DNAJC15: variants seen among roughly 807,000 people sequenced by gnomAD.
The protein encoded by DNAJC15 is dnaJ homolog subfamily C member 15.
Under a neutral mutation model 22.4 loss-of-function variants are expected in DNAJC15, and 27 were observed. That is an observed-to-expected ratio of 1.20 (90% CI 0.89 to 1.66). The LOEUF (loss-of-function observed/expected upper bound fraction) is 1.66. DNAJC15 is among the 40% of genes most tolerant of loss of function. DNAJC15 has a pLI of 0.00. For synonymous variants in DNAJC15, 79 were observed against 63.2 expected (o/e 1.25, Z -1.19); for missense variants, 208 against 187.1 (o/e 1.11, Z -0.65).
At chr13:43,042,358 G>GT (rs1477056701) in intron 1 of DNAJC15, among the ~76,000 whole-genome samples, 3 of 152,266 alleles carry the variant, frequency 2.0e-5, no homozygotes, top group South Asian at 2.1e-4. Flanking sequence ...AAGCAAAACT[G>GT]TAAGAGAGGA....
chr13:43,108,260 G>C lies in DNAJC15; in HGVS notation c.*1012G>C, dbSNP rs1054118810. On this transcript the variant is annotated 3_prime_UTR_variant, in exon 6 of 6. Transcript: ENST00000379221. ...TGAGGTAAGTGTTATTCTGAGATGAGAATTAGCAGAAATAGATATATCAAT... is the reference window on the plus strand; with the variant it reads ...TGAGGTAAGTGTTATTCTGAGATGACAATTAGCAGAAATAGATATATCAAT... 1 of 152,194 alleles carries C rather than the reference G, an allele frequency of 6.6e-6. No individual in the cohort carries two copies. The highest frequency in any genetic ancestry group is 2.4e-5 in the African/African-American group (1 of 41,454). 9.4% of individuals were successfully genotyped at this position (152,194 alleles called of 1,614,324 possible).
intron 1 of DNAJC15, among the ~76,000 whole-genome samples, chr13:43,035,752 GCT>G (rs2040425997): frequency 6.6e-6 from 1 of 151,892 alleles, no homozygotes; most frequent in Non-Finnish European, 1.5e-5. Context: ...ACAGGATCTT[GCT>G]CTGTCTCCCA....
chr13:43,062,338 T>C (rs566801980), intron 1 of DNAJC15, among the ~76,000 whole-genome samples: 5 of 152,174 alleles, frequency 3.3e-5, no homozygotes, highest in Non-Finnish European at 7.3e-5. Flanking sequence ...TCTCTTTCCT[T>C]CCACTCTTTC....
intron 2 of DNAJC15, 60 bp downstream of exon 2, chr13:43,065,797 A>C: frequency 6.7e-7 from 1 of 1,486,762 alleles, no homozygotes; most frequent in Admixed American, 1.7e-5. Context: ...TAGCATCTAC[A>C]GTGATTCATG....
At chr13:43,028,569 C>T (rs2040390802) in intron 1 of DNAJC15, among the ~76,000 whole-genome samples, 1 of 152,198 alleles carries the variant, frequency 6.6e-6, no homozygotes, top group Non-Finnish European at 1.5e-5. Flanking sequence ...TTAACATGAT[C>T]TAAACCTTTC....
At position 43,109,377 on chromosome 13, in the gene DNAJC15, C is replaced by T. The variant is rs1483356094; in HGVS notation, c.*2129C>T. 6.6e-6 allele frequency: 1 copy of T among 152,126 alleles called. No homozygotes were observed. The highest frequency in any genetic ancestry group is 1.5e-5 in the Non-Finnish European group (1 of 68,024). 9.4% of individuals were successfully genotyped at this position (152,126 alleles called of 1,614,324 possible). On this transcript the variant is annotated 3_prime_UTR_variant, in exon 6 of 6. Coordinates refer to ENST00000379221, the MANE Select transcript of DNAJC15 (RefSeq NM_013238.3). ...AGCAGGCATCATAAAGTTTTACGTACCAAGAAAATGTTGCTGTTTTCTGAA... is the reference window on the plus strand; with the variant it reads ...AGCAGGCATCATAAAGTTTTACGTATCAAGAAAATGTTGCTGTTTTCTGAA...
At chr13:43,054,893 A>C (rs2040521956) in intron 1 of DNAJC15, among the ~76,000 whole-genome samples, 1 of 152,160 alleles carries the variant, frequency 6.6e-6, no homozygotes, top group Non-Finnish European at 1.5e-5. Flanking sequence ...TCTCTAACTA[A>C]ACAAGCAGCC....
At chr13:43,088,340 A>C (rs551894725) in intron 5 of DNAJC15, among the ~76,000 whole-genome samples, 1 of 152,208 alleles carries the variant, frequency 6.6e-6, no homozygotes, top group East Asian at 1.9e-4. Context: ...GATCTAATCA[A>C]TGCTGCCTCC....
At chr13:43,105,929 A>T (rs1339551170) in intron 5 of DNAJC15, among the ~76,000 whole-genome samples, 1 of 152,204 alleles carries the variant, frequency 6.6e-6, no homozygotes, top group Non-Finnish European at 1.5e-5. Context: ...TCAGGGACAT[A>T]CTATGATATA....
At chr13:43,038,515 A>G (rs749202611) in intron 1 of DNAJC15, among the ~76,000 whole-genome samples, 1 of 152,212 alleles carries the variant, frequency 6.6e-6, no homozygotes, top group Non-Finnish European at 1.5e-5. Flanking sequence ...TGGGGAGGCC[A>G]GGTGCGGTGG....
At chr13:43,081,053 T>A (rs1014756759) in intron 4 of DNAJC15, among the ~76,000 whole-genome samples, 1 of 152,246 alleles carries the variant, frequency 6.6e-6, no homozygotes, top group African/African-American at 2.4e-5. Flanking sequence ...GTGTTCTAGA[T>A]GATACTATAC....
chr13:43,073,630 C>CT (rs979256526), intron 3 of DNAJC15, among the ~76,000 whole-genome samples: 7 of 152,036 alleles, frequency 4.6e-5, no homozygotes, highest in African/African-American at 1.7e-4. Context: ...AAAAGGGTTT[C>CT]TTTTTTTCTC....
At chr13:43,036,921 C>T (rs2153439647) in intron 1 of DNAJC15, among the ~76,000 whole-genome samples, 1 of 152,348 alleles carries the variant, frequency 6.6e-6, no homozygotes, top group Admixed American at 6.5e-5. Context: ...TCGGGAGAGG[C>T]CAGGCAGTGG....
At chr13:43,047,054 C>T (rs1292039985) in intron 1 of DNAJC15, among the ~76,000 whole-genome samples, 2 of 152,122 alleles carry the variant, frequency 1.3e-5, no homozygotes, top group African/African-American at 4.8e-5. Context: ...TCTGTGAGGC[C>T]AAGAACCCCA....
chr13:43,033,367 C>T (rs1009545481), intron 1 of DNAJC15, among the ~76,000 whole-genome samples: 5 of 151,530 alleles, frequency 3.3e-5, no homozygotes, highest in Admixed American at 3.3e-4. Context: ...CAGTGAATTA[C>T]GATCATACCA....
intron 5 of DNAJC15, among the ~76,000 whole-genome samples, chr13:43,087,593 C>G (rs1339834345): frequency 3.9e-5 from 6 of 152,096 alleles, no homozygotes; most frequent in Admixed American, 3.9e-4. Context: ...TTTACTTTAG[C>G]CAGGTCACCA....
intron 5 of DNAJC15, among the ~76,000 whole-genome samples, chr13:43,091,368 G>A (rs1469321157): frequency 1.3e-5 from 2 of 152,200 alleles, no homozygotes; most frequent in African/African-American, 2.4e-5. Flanking sequence ...GATTACAGGC[G>A]TGAGCCACTG....
At chr13:43,055,658 TTATCTTTTCAAAGAAC>T (rs2040527149) in intron 1 of DNAJC15, among the ~76,000 whole-genome samples, 1 of 152,220 alleles carries the variant, frequency 6.6e-6, no homozygotes, top group Admixed American at 6.5e-5. Flanking sequence ...CCAATTTTAC[TTATCTTTTCAAAGAAC>T]TGAACCAGTT....
At position 43,112,352 on chromosome 13, in the gene DNAJC15, TACTC is replaced by T. The variant is rs1241607714; in HGVS notation, c.*5106_*5109del. ...ACTATATTACATAGATGTAGAGAAA[TACTC>T]AATCTTCAGCATTAAGAGGGAGCTT... On this transcript the variant is annotated 3_prime_UTR_variant, in exon 6 of 6. Transcript: ENST00000379221. 3.3e-5 allele frequency: 5 copies of T among 152,202 alleles called. No individual in the cohort carries two copies. Among genetic ancestry groups the T allele is most frequent in the South Asian group, 2.1e-4 (1 of 4,826 alleles). 9.4% of individuals were successfully genotyped at this position (152,202 alleles called of 1,614,324 possible). A position where few individuals can be genotyped will look rare whatever the true frequency, so the allele number is the denominator to read the frequency against.
Sources: allele counts gnomAD v4.1 joint callset (sites outside exome capture counted in the v4.1 genomes callset), GRCh38; gene constraint gnomAD v4.1.1; transcripts MANE v1.5; gene names NCBI Gene and HGNC (gene_info 2026-07-23, HGNC 2026-07-21).